PPM1H: variants seen among roughly 807,000 people sequenced by gnomAD.
PPM1H encodes protein phosphatase, Mg2+/Mn2+ dependent 1H.
In PPM1H, 27 loss-of-function variants were observed where a neutral mutation model predicts 54.9. The observed-to-expected ratio is 0.49, with a 90% CI of 0.36 to 0.68. PPM1H has a LOEUF of 0.68. PPM1H is among the 30% of genes least tolerant of loss of function. The pLI, the probability that PPM1H is intolerant of heterozygous loss-of-function variation, is 0.00. For missense variants in PPM1H, 596 were observed against 667.8 expected, an observed-to-expected ratio of 0.89 and a Z score of 1.19; for synonymous variants, 305 against 270.8, an observed-to-expected ratio of 1.13 and a Z score of -1.24.
chr12:62,715,644 G>C (rs893712339), intron 6 of PPM1H, among the ~76,000 whole-genome samples: 1 of 152,124 alleles, frequency 6.6e-6, no homozygotes, highest in Non-Finnish European at 1.5e-5. Flanking sequence ...AGCCTTCCCA[G>C]AGCTGACATC....
chr12:62,739,988 C>A (rs994842411), intron 4 of PPM1H, among the ~76,000 whole-genome samples: 2 of 152,180 alleles, frequency 1.3e-5, no homozygotes, highest in African/African-American at 4.8e-5. Context: ...TCAGTTACTC[C>A]CACTCCTGTA....
intron 4 of PPM1H, among the ~76,000 whole-genome samples, chr12:62,780,374 A>T (rs1018445580): frequency 2.6e-5 from 4 of 152,126 alleles, no homozygotes; most frequent in Non-Finnish European, 4.4e-5. Flanking sequence ...CAATCATGGC[A>T]CACTGCAGCC....
intron 1 of PPM1H, among the ~76,000 whole-genome samples, chr12:62,922,517 A>G (rs938723606): frequency 6.6e-6 from 1 of 152,180 alleles, no homozygotes; most frequent in Non-Finnish European, 1.5e-5. Context: ...CAGGGCCTTA[A>G]TAATCATCCA....
chr12:62,786,469 C>G, intron 4 of PPM1H, among the ~76,000 whole-genome samples: 1 of 152,204 alleles, frequency 6.6e-6, no homozygotes, highest in East Asian at 1.9e-4. Context: ...CTGCTGGGGT[C>G]AGCCGATGGG....
In PPM1H at chr12:62,898,046, G is replaced by C. The variant is rs140439143; in HGVS notation, c.245+36446C>G. Among the ~76,000 whole-genome samples the C allele has an allele frequency of 1.2e-3, 177 of 152,276 alleles. 1 individual carries two copies. The highest frequency in any genetic ancestry group is 4.2e-3 in the African/African-American group (174 of 41,550). On this transcript the variant is annotated intron_variant, in intron 1 of 9. Transcript: ENST00000228705. ...TGTATAGTCCAGCCCAGCCCAGCTT[G>C]GGGAACAGTCACTATAGGTCCTCTC...
chr12:62,762,304 C>T lies in PPM1H; in HGVS notation c.870-24718G>A, dbSNP rs114406735. ...GTCTGTAGCAGTGCCTGGCCATGAG[C>T]GTCAGAGGCCTCAGCAAAGGCCTTC... is the stretch of plus-strand genomic sequence containing the variant. On this transcript the variant is annotated intron_variant, in intron 4 of 9. Transcript: ENST00000228705. 7.8e-3 allele frequency among the ~76,000 whole-genome samples: 1,185 copies of T among 152,300 alleles called. 18 individuals are homozygous for T. Among genetic ancestry groups the T allele is most frequent in the African/African-American group, 0.027 (1,108 of 41,556 alleles).
At chr12:62,729,585 A>G (rs1005929686) in intron 5 of PPM1H, among the ~76,000 whole-genome samples, 4 of 152,200 alleles carry the variant, frequency 2.6e-5, no homozygotes, top group Non-Finnish European at 4.4e-5. Flanking sequence ...CCGATCAAGA[A>G]AGAACATTAC....
chr12:62,865,776 C>T (rs2120985364), intron 1 of PPM1H, among the ~76,000 whole-genome samples: 1 of 152,268 alleles, frequency 6.6e-6, no homozygotes, highest in South Asian at 2.1e-4. Context: ...GGATTACAGG[C>T]CTGAGCCACC....
intron 3 of PPM1H, among the ~76,000 whole-genome samples, chr12:62,797,695 C>T (rs1412936989): frequency 2.0e-5 from 3 of 152,202 alleles, no homozygotes; most frequent in Non-Finnish European, 4.4e-5. Context: ...TGGCAATGGC[C>T]TTCCAGCTAT....
Position 62,845,606 on chromosome 12 carries a change from A to G in PPM1H, c.246-13327T>C, listed in dbSNP as rs190259576. On this transcript the variant is annotated intron_variant, in intron 1 of 9. Coordinates refer to ENST00000228705, the MANE Select transcript of PPM1H (RefSeq NM_020700.2). ...AATACGGGTGTACAAGGGAACCTCA[A>G]GTGCTGCTGTTCCTTGGGGCTGCAA... Among the ~76,000 whole-genome samples the G allele has an allele frequency of 5.2e-4, 79 of 152,304 alleles. 1 individual carries two copies. The highest frequency in any genetic ancestry group is 1.7e-3 in the African/African-American group (69 of 41,548).
chr12:62,736,938 T>A (rs192989834), intron 5 of PPM1H, among the ~76,000 whole-genome samples: 26 of 152,328 alleles, frequency 1.7e-4, no homozygotes, highest in Admixed American at 3.3e-4. Flanking sequence ...CCGCTCATAA[T>A]TTCATTCCAA....
intron 4 of PPM1H, among the ~76,000 whole-genome samples, chr12:62,775,455 C>G (rs2076604741): frequency 6.6e-6 from 1 of 152,198 alleles, no homozygotes; most frequent in Non-Finnish European, 1.5e-5. Flanking sequence ...AGAAAGCGTA[C>G]CAACAATGGA....
intron 1 of PPM1H, among the ~76,000 whole-genome samples, chr12:62,866,193 TCC>T (rs1869769894): frequency 6.6e-6 from 1 of 152,152 alleles, no homozygotes; most frequent in Non-Finnish European, 1.5e-5. Context: ...TCAGCAGGGC[TCC>T]CCGACCCTGT....
intron 1 of PPM1H, among the ~76,000 whole-genome samples, chr12:62,839,886 A>C (rs1176085345): frequency 6.6e-6 from 1 of 151,742 alleles, no homozygotes; most frequent in Non-Finnish European, 1.5e-5. Flanking sequence ...AAAAAAAAAA[A>C]AAAACACCCA....
chr12:62,658,821 G>A, intron 9 of PPM1H: 1 of 522,966 alleles, frequency 1.9e-6, no homozygotes, highest in South Asian at 1.7e-5. Context: ...CTTGGCATCA[G>A]GGCCAACTTC....
intron 1 of PPM1H, among the ~76,000 whole-genome samples, chr12:62,915,734 G>C (rs1871602146): frequency 6.6e-6 from 1 of 152,188 alleles, no homozygotes; most frequent in South Asian, 2.1e-4. Context: ...CAGACCTAAA[G>C]AGCAGTCAAA....
chr12:62,812,494 A>G (rs1009167836), intron 2 of PPM1H, among the ~76,000 whole-genome samples: 2 of 152,146 alleles, frequency 1.3e-5, no homozygotes, highest in African/African-American at 4.8e-5. Context: ...TCACAAAACA[A>G]TAACTTTGAG....
intron 6 of PPM1H, among the ~76,000 whole-genome samples, chr12:62,717,502 C>A (rs2076242009): frequency 6.6e-6 from 1 of 151,484 alleles, no homozygotes; most frequent in South Asian, 2.1e-4. Context: ...AGAAAGAGAA[C>A]AAGAGCAAGT....
intron 1 of PPM1H, among the ~76,000 whole-genome samples, chr12:62,846,514 T>A (rs560315443): frequency 0.019 from 2,607 of 136,128 alleles, 72 homozygotes; most frequent in African/African-American, 0.066. Context: ...AAAAAAAAAT[T>A]TTTTTTTTTT....
Sources: allele counts gnomAD v4.1 joint callset (sites outside exome capture counted in the v4.1 genomes callset), GRCh38; gene constraint gnomAD v4.1.1; transcripts MANE v1.5; gene names NCBI Gene and HGNC (gene_info 2026-07-23, HGNC 2026-07-21).